CYB5A: variants seen among roughly 807,000 people sequenced by gnomAD.
CYB5A encodes the protein cytochrome b5 type A.
In CYB5A, 10 loss-of-function variants were observed where a neutral mutation model predicts 16.2. The observed-to-expected ratio is 0.62, with a 90% CI of 0.38 to 1.04. The LOEUF (loss-of-function observed/expected upper bound fraction) is 1.04. CYB5A is among the 50% of genes least tolerant of loss of function. The pLI is 0.01. For missense variants in CYB5A, 161 were observed against 165.9 expected, an observed-to-expected ratio of 0.97 and a Z score of 0.16; for synonymous variants, 62 against 57.0, an observed-to-expected ratio of 1.09 and a Z score of -0.40.
intron 1 of CYB5A, among the ~76,000 whole-genome samples, chr18:74,285,521 C>T (rs1041273443): frequency 3.9e-5 from 6 of 152,212 alleles, no homozygotes; most frequent in Non-Finnish European, 8.8e-5. Context: ...TTCCTCCACT[C>T]CTAAGAACCG....
chr18:74,256,830 C>A (rs2145038351), intron 3 of CYB5A: 1 of 1,614,014 alleles, frequency 6.2e-7, no homozygotes, highest in Middle Eastern at 1.6e-4. Context: ...ACCCACCAAC[C>A]TTGAAACACC....
At chr18:74,281,778 T>TGTGTGTGTGTGTGTGTG (rs1944452584) in intron 1 of CYB5A, among the ~76,000 whole-genome samples, 1 of 149,906 alleles carries the variant, frequency 6.7e-6, no homozygotes, top group African/African-American at 2.5e-5. Flanking sequence ...TATGTGTGTG[T>TGTGTGTGTGTGTGTGTG]TTCAGGGGAG....
chr18:74,259,947 A>T (rs1221606416), intron 3 of CYB5A: 2 of 20,382 alleles, frequency 9.8e-5, no homozygotes, highest in Non-Finnish European at 4.0e-4. Flanking sequence ...GAGAGAATAT[A>T]AAAAAAATTG....
Position 74,255,782 on chromosome 18 carries a change from C to CCA in CYB5A, c.289-8_289-7insTG, listed in dbSNP as rs759948526. 6.2e-7 allele frequency: 1 copy of CCA among 1,608,370 alleles called. No homozygotes were observed. Among genetic ancestry groups the CCA allele is most frequent in the South Asian group, 1.1e-5 (1 of 91,000 alleles). ...TAGTAGTGATAAGAGTTTCCTGAAA[C>CCA]ACGAGAGGAAAAAGTAAAGTAAGTT... On this transcript the variant is annotated splice_region_variant and splice_polypyrimidine_tract_variant and intron_variant, in intron 3 of 4. Coordinates refer to ENST00000340533, the MANE Select transcript of CYB5A (RefSeq NM_148923.4).
At chr18:74,279,658 T>A (rs566478180) in intron 1 of CYB5A, among the ~76,000 whole-genome samples, 1 of 152,278 alleles carries the variant, frequency 6.6e-6, no homozygotes, top group South Asian at 2.1e-4. Context: ...TCTTTTGTTT[T>A]TTTTCCTCTC....
chr18:74,291,484 A>G (rs1281279029), intron 1 of CYB5A, among the ~76,000 whole-genome samples: 2 of 138,588 alleles, frequency 1.4e-5, no homozygotes, highest in African/African-American at 2.7e-5. Context: ...GGTGTACACT[A>G]GCAGGTGTGC....
At chr18:74,271,448 C>T (rs980929926) in intron 1 of CYB5A, among the ~76,000 whole-genome samples, 5 of 152,138 alleles carry the variant, frequency 3.3e-5, no homozygotes, top group African/African-American at 4.8e-5. Flanking sequence ...ACTCTCCAGC[C>T]CTCATCCCAC....
At position 74,274,609 on chromosome 18, in the gene CYB5A, C is replaced by T. The variant is rs116762930; in HGVS notation, c.130-11132G>A. Among the ~76,000 whole-genome samples, 1,266 of 152,222 alleles carry T rather than the reference C, an allele frequency of 8.3e-3. 4 individuals carry two copies. The highest frequency in any genetic ancestry group is 0.037 in the South Asian group (176 of 4,814). The stretch of plus-strand genomic sequence containing the variant: ...TCACTGGGTGAAAACAATTACCAGG[C>T]CCATTCTTCATTCCTGTTGTTTCTA... On this transcript the variant is annotated intron_variant, in intron 1 of 4. Transcript: ENST00000340533.
chr18:74,263,523 G>A (rs2032263), intron 1 of CYB5A, 46 bp from the exon 2 acceptor site: 1,039,738 of 1,580,212 alleles, frequency 0.66, 347,731 homozygotes, highest in Middle Eastern at 0.7. Flanking sequence ...TCAGGCAAAT[G>A]AATTAAGAGA....
rs1982249520 is a variant in CYB5A, at chr18:74,262,505, A to G, written c.258+844T>C. Among the ~76,000 whole-genome samples the G allele has an allele frequency of 2.0e-5, 3 of 152,112 alleles. No homozygotes were observed. The South Asian group carries it at 6.2e-4, about 32-fold the overall frequency. On this transcript the variant is annotated intron_variant, in intron 2 of 4. Coordinates refer to ENST00000340533, the MANE Select transcript of CYB5A (RefSeq NM_148923.4). ...AGCCAAATTAGGCCAGTGTTTTCCAAAAGTTGGTCAATGAATTGGTCCAGA... is the reference window on the plus strand; with the variant it reads ...AGCCAAATTAGGCCAGTGTTTTCCAGAAGTTGGTCAATGAATTGGTCCAGA...
intron 1 of CYB5A, among the ~76,000 whole-genome samples, chr18:74,267,892 C>T (rs1004277042): frequency 1.3e-5 from 2 of 152,092 alleles, no homozygotes; most frequent in Non-Finnish European, 2.9e-5. Flanking sequence ...GCTGTAGTGC[C>T]CAGAGAGAGG....
At position 74,251,937 on chromosome 18, in the gene CYB5A, C is replaced by T. The variant is rs887659988; in HGVS notation, c.*1647G>A. Reference sequence around the variant, plus strand: ...CCCTTTAATGTCATCTAAGGTACGACTGACCCACTTCGATTCACTTCATAG... The same window carrying T: ...CCCTTTAATGTCATCTAAGGTACGATTGACCCACTTCGATTCACTTCATAG... On this transcript the variant is annotated 3_prime_UTR_variant, in exon 5 of 5. Transcript: ENST00000340533. The T allele has an allele frequency of 6.6e-6, 1 of 152,210 alleles. No homozygotes were observed. The highest frequency in any genetic ancestry group is 1.5e-5 in the Non-Finnish European group (1 of 68,036). 9.4% of individuals were successfully genotyped at this position (152,210 alleles called of 1,614,324 possible).
intron 1 of CYB5A, among the ~76,000 whole-genome samples, chr18:74,289,893 G>A (rs1409398546): frequency 6.6e-6 from 1 of 151,942 alleles, no homozygotes; most frequent in African/African-American, 2.4e-5. Context: ...AACAAAGATC[G>A]GCTGGCCCAA....
intron 1 of CYB5A, among the ~76,000 whole-genome samples, chr18:74,267,502 A>T (rs2145055194): frequency 6.6e-6 from 1 of 152,298 alleles, no homozygotes; most frequent in Admixed American, 6.5e-5. Flanking sequence ...CGAAGAGACA[A>T]AGAAAAATTG....
rs1367276716 is a variant in CYB5A at position 74,291,887 on chromosome 18, G to A, written c.-12C>T. On this transcript the variant is annotated 5_prime_UTR_variant, in exon 1 of 5. Transcript: ENST00000340533. ...GACTGCTCTGCCATCTCGGTTCGCC[G>A]CGAGCCAGGCCCAGCACACACAGCC... The A allele has an allele frequency of 3.7e-6, 6 of 1,608,812 alleles. No individual in the cohort carries two copies. The East Asian group carries it at 8.9e-5, about 24-fold the overall frequency.
At chr18:74,275,982 G>A (rs1317586368) in intron 1 of CYB5A, among the ~76,000 whole-genome samples, 1 of 152,060 alleles carries the variant, frequency 6.6e-6, no homozygotes, top group African/African-American at 2.4e-5. Context: ...CAGCCCAGAG[G>A]CGTCTCCAAC....
chr18:74,288,003 GA>G (rs985605273), intron 1 of CYB5A, among the ~76,000 whole-genome samples: 2 of 150,976 alleles, frequency 1.3e-5, no homozygotes, highest in South Asian at 2.1e-4. Context: ...ACTCAGGATT[GA>G]AAAAAAAATC....
chr18:74,273,104 C>A (rs1340706372), intron 1 of CYB5A, among the ~76,000 whole-genome samples: 3 of 152,076 alleles, frequency 2.0e-5, no homozygotes, highest in Non-Finnish European at 2.9e-5. Context: ...TACGTACACA[C>A]AAAAATGAAA....
chr18:74,253,329 A>G lies in CYB5A; in HGVS notation c.*255T>C. 1 of 399,522 alleles carries G rather than the reference A, an allele frequency of 2.5e-6. No individual in the cohort carries two copies. The highest frequency in any genetic ancestry group is 4.7e-6 in the Non-Finnish European group (1 of 210,918). 24.7% of individuals were successfully genotyped at this position (399,522 alleles called of 1,614,324 possible). ...AAGCCAAATATATTTTTAAAAGATC[A>G]TGCTTATAATAAGTAAATTACACAT... On this transcript the variant is annotated 3_prime_UTR_variant, in exon 5 of 5. Coordinates refer to ENST00000340533, the MANE Select transcript of CYB5A (RefSeq NM_148923.4).
Sources: gnomAD v4.1 joint callset for allele counts (sites outside exome capture counted in the v4.1 genomes callset) on GRCh38, gnomAD v4.1.1 for gene constraint, MANE v1.5 for transcripts, NCBI Gene and HGNC (gene_info 2026-07-23, HGNC 2026-07-21) for gene names.